BRWD1: variants seen among roughly 807,000 people sequenced by gnomAD.
BRWD1 encodes bromodomain and WD repeat domain containing 1.
A neutral mutation model predicts 251.2 loss-of-function variants in BRWD1; 82 were observed. The ratio of observed to expected loss-of-function variants is 0.33; its 90% CI spans 0.27 to 0.39. The LOEUF (loss-of-function observed/expected upper bound fraction) is 0.39. Ranked by LOEUF, BRWD1 falls within the 10% of genes least tolerant of loss-of-function variation. The pLI, the probability that BRWD1 is intolerant of heterozygous loss-of-function variation, is 1.00. For missense variants in BRWD1, 2,233 were observed against 2,711.6 expected (o/e 0.82, Z 3.92); for synonymous variants, 918 against 902.8 (o/e 1.02, Z -0.30).
chr21:39,264,417 A>T (rs1370703027), intron 17 of BRWD1, 43 bp downstream of exon 17: 1 of 1,165,086 alleles, frequency 8.6e-7, no homozygotes, highest in Non-Finnish European at 1.2e-6. Context: ...TAAAATATTC[A>T]AGTACAACTT....
In BRWD1 at chr21:39,313,555, C is replaced by T. The variant is rs1276846529; in HGVS notation, c.-64G>A. 3.2e-6 allele frequency: 4 copies of T among 1,260,142 alleles called. No individual in the cohort carries two copies. Among genetic ancestry groups the T allele is most frequent in the African/African-American group, 3.2e-5 (2 of 63,430 alleles). The allele number at this position is 1,260,142 out of a possible 1,614,324, so 78.1% of individuals were successfully genotyped here. A position where few individuals can be genotyped will look rare whatever the true frequency, so the allele number is the denominator to read the frequency against. ...GCGGAGCGTGTAGGCCGCGCCGAGG[C>T]CTGACCGGGCTGGCGTCCCCTCTTC... On this transcript the variant is annotated 5_prime_UTR_variant, in exon 1 of 41. Transcript: ENST00000342449.
chr21:39,206,278 C>T lies in BRWD1; in HGVS notation c.4198-4G>A. 1 of 1,554,404 alleles carries T rather than the reference C, an allele frequency of 6.4e-7. No individual in the cohort carries two copies. Among genetic ancestry groups the T allele is most frequent in the African/African-American group, 1.4e-5 (1 of 72,632 alleles). On this transcript the variant is annotated splice_region_variant and splice_polypyrimidine_tract_variant and intron_variant, in intron 36 of 40. Coordinates refer to ENST00000342449, the MANE Select transcript of BRWD1 (RefSeq NM_033656.4). ...ATCTCAAGGTCATACTATAAATCTG[C>T]AAGGATATAAAAACAAAGTAGAATT...
At chr21:39,273,811 G>A (rs7283439) in intron 13 of BRWD1, among the ~76,000 whole-genome samples, 140,608 of 152,246 alleles carry the variant, frequency 0.92, 65,260 homozygotes, top group African/African-American at 0.96. Context: ...ATGTGGAAAC[G>A]TTTCTCAGAA....
At position 39,280,160 on chromosome 21, in the gene BRWD1, G is replaced by C; in HGVS notation, c.920C>G (p.Ser307Cys). ...TAAAGCCACTTACCTAAATTTTAAG[G>C]ATTCTAAATCCCATTGCCAAAAGCA... ...TVCFWQWDLESLKFSPRPLKF... is the reference protein window; with the variant it reads ...TVCFWQWDLECLKFSPRPLKF... Residue 307 changes from serine to cysteine, a missense_variant, in exon 9 of 41, where the codon TCC (serine) becomes TGC (cysteine). By Grantham distance (112) the Ser-to-Cys change is moderately radical. Around this residue, in one of 12 missense-constraint regions of BRWD1, gnomAD observed 315 missense variants for 421.8 expected, o/e 0.75. Coordinates refer to ENST00000342449, the MANE Select transcript of BRWD1 (RefSeq NM_033656.4). 1 of 1,592,402 alleles carries C rather than the reference G, an allele frequency of 6.3e-7. No homozygotes were observed. The highest frequency in any genetic ancestry group is 8.5e-7 in the Non-Finnish European group (1 of 1,172,710).
Position 39,250,970 on chromosome 21 carries a change from T to C in BRWD1, c.2256-81A>G. 6.2e-6 allele frequency: 5 copies of C among 806,456 alleles called. No individual in the cohort carries two copies. In the South Asian group the frequency reaches 7.8e-5, roughly 13 times the overall value. The allele number at this position is 806,456 out of a possible 1,614,324, so 50.0% of individuals were successfully genotyped here. A position where few individuals can be genotyped will look rare whatever the true frequency, so the allele number is the denominator to read the frequency against. On this transcript the variant is annotated intron_variant, in intron 19 of 40. Coordinates refer to ENST00000342449, the MANE Select transcript of BRWD1 (RefSeq NM_033656.4). ...ATATAAAGAATAAAAACCAGTGTGA[T>C]TCTATAAATCATAAGTTTATGTACT...
In BRWD1 at chr21:39,313,478, G is replaced by A. The variant is rs1282210571; in HGVS notation, c.14C>T (p.Ser5Leu). Residue 5 changes from serine (S) to leucine (L), a missense_variant, in exon 1 of 41, where the codon TCG becomes TTG. This residue lies in a region of BRWD1 where 101 missense variants were observed against 95.6 expected (regional missense o/e 1.06). Transcript: ENST00000342449. The part of the protein sequence containing the change: MAEP[S>L]SARRPVPLIE... ...GAGAGGCACCGGGCGTCGGGCGGACGACGGCTCCGCCATGGCCGGGCGCGG... is the reference window on the plus strand; with the variant it reads ...GAGAGGCACCGGGCGTCGGGCGGACAACGGCTCCGCCATGGCCGGGCGCGG... 4 of 1,344,752 alleles carry A rather than the reference G, an allele frequency of 3.0e-6. No individual in the cohort carries two copies. Among genetic ancestry groups the A allele is most frequent in the African/African-American group, 1.5e-5 (1 of 64,678 alleles). The allele number at this position is 1,344,752 out of a possible 1,614,324, so 83.3% of individuals were successfully genotyped here.
At chr21:39,295,929 G>A (rs2035950663) in intron 6 of BRWD1, 26 bp from the exon 7 acceptor site, 3 of 1,525,974 alleles carry the variant, frequency 2.0e-6, no homozygotes, top group Non-Finnish European at 2.6e-6. Flanking sequence ...AATGAAAATG[G>A]TTAAGGGAGA....
intron 34 of BRWD1, among the ~76,000 whole-genome samples, chr21:39,212,419 C>CT (rs1193709240): frequency 4.6e-5 from 7 of 152,104 alleles, no homozygotes; most frequent in Non-Finnish European, 1.0e-4. Context: ...TATTTCTCTA[C>CT]TTTTTTTGTC....
chr21:39,200,155 T>C, intron 39 of BRWD1, 64 bp downstream of exon 39: 1 of 1,412,528 alleles, frequency 7.1e-7, no homozygotes, highest in Non-Finnish European at 9.7e-7. Flanking sequence ...CGAGAATCTA[T>C]TCAATTTATA....
intron 1 of BRWD1, among the ~76,000 whole-genome samples, chr21:39,320,707 C>T (rs7279558): frequency 1.4e-5 from 2 of 140,802 alleles, no homozygotes; most frequent in Admixed American, 7.3e-5. Context: ...ATCTTGCTCT[C>T]TTGCCCAGGC....
intron 8 of BRWD1, among the ~76,000 whole-genome samples, chr21:39,285,520 T>C (rs148235533): frequency 2.0e-5 from 3 of 152,308 alleles, no homozygotes; most frequent in East Asian, 1.9e-4. Context: ...TAGTGATGGA[T>C]ATAATTACCC....
rs1217720924 is a variant in BRWD1, at chr21:39,199,274, TTCA to T, written c.5139_5141del (p.Asp1713del). The T allele has an allele frequency of 6.2e-7, 1 of 1,614,236 alleles. No individual in the cohort carries two copies. The highest frequency in any genetic ancestry group is 8.5e-7 in the Non-Finnish European group (1 of 1,180,036). ...CTGACTCTGAGTCTCTGTTTTCAGA[TTCA>T]TCAACATTGCTCTGGGCAGTGTGAG... On this transcript the variant is annotated inframe_deletion, in exon 40 of 41. Coordinates refer to ENST00000342449, the MANE Select transcript of BRWD1 (RefSeq NM_033656.4).
intron 23 of BRWD1, 148 bp downstream of exon 23, chr21:39,236,447 A>G: frequency 2.9e-6 from 2 of 688,550 alleles, no homozygotes; most frequent in Non-Finnish European, 4.7e-6. Flanking sequence ...GAGGGCTGAC[A>G]GCTCGCCCAG....
upstream of BRWD1, chr21:39,313,646 C>T (rs1174306011): frequency 8.1e-6 from 4 of 493,818 alleles, no homozygotes; most frequent in South Asian, 5.6e-5. Flanking sequence ...CCGACGCCTC[C>T]GCGGGGGAGG....
Position 39,264,968 on chromosome 21 carries a change from C to G in BRWD1, c.1582G>C (p.Gly528Arg). The stretch of plus-strand genomic sequence containing the variant: ...GAATCTGTACAGGCAAAATGCTGTC[C>G]ATCCTGTGAAAACTTACAGTCAAAC... ...AVFDCKFSQD[G>R]QHFACTDSHG... Residue 528 changes from glycine to arginine, a missense_variant, in exon 16 of 41, where the codon GGA becomes CGA. Gly to Arg is a moderately radical substitution (Grantham distance 125). Around this residue, in one of 12 missense-constraint regions of BRWD1, gnomAD observed 315 missense variants for 421.8 expected, o/e 0.75. Coordinates refer to ENST00000342449, the MANE Select transcript of BRWD1 (RefSeq NM_033656.4). 6.2e-7 allele frequency: 1 copy of G among 1,613,896 alleles called. No individual in the cohort carries two copies. The highest frequency in any genetic ancestry group is 8.5e-7 in the Non-Finnish European group (1 of 1,179,874).
intron 15 of BRWD1, among the ~76,000 whole-genome samples, chr21:39,268,820 A>G (rs2035009640): frequency 6.6e-6 from 1 of 152,120 alleles, no homozygotes; most frequent in African/African-American, 2.4e-5. Flanking sequence ...CCCCGTCTCT[A>G]CTAAAAAATA....
intron 15 of BRWD1, among the ~76,000 whole-genome samples, chr21:39,266,317 AT>A (rs1171064180): frequency 1.3e-5 from 2 of 151,958 alleles, no homozygotes; most frequent in Non-Finnish European, 2.9e-5. Context: ...TATATTATAT[AT>A]TTTTTTTCCT....
upstream of BRWD1, among the ~76,000 whole-genome samples, chr21:39,318,047 C>T (rs1386729677): frequency 2.6e-5 from 4 of 151,912 alleles, no homozygotes; most frequent in Non-Finnish European, 5.9e-5. Flanking sequence ...GAGACCCTGT[C>T]TCAAAAAAGA....
Position 39,206,287 on chromosome 21 carries a change from A to G in BRWD1, c.4198-13T>C. On this transcript the variant is annotated splice_polypyrimidine_tract_variant and intron_variant, in intron 36 of 40. Transcript: ENST00000342449. The stretch of plus-strand genomic sequence containing the variant: ...TCATACTATAAATCTGCAAGGATAT[A>G]AAAACAAAGTAGAATTACAAAATAG... 1 of 1,525,582 alleles carries G rather than the reference A, an allele frequency of 6.6e-7. No individual in the cohort carries two copies. Among genetic ancestry groups the G allele is most frequent in the East Asian group, 2.3e-5 (1 of 44,170 alleles). The allele number at this position is 1,525,582 out of a possible 1,614,324, so 94.5% of individuals were successfully genotyped here. A position where few individuals can be genotyped will look rare whatever the true frequency, so the allele number is the denominator to read the frequency against.
Sources: gnomAD v4.1 joint callset for allele counts (sites outside exome capture counted in the v4.1 genomes callset) on GRCh38, gnomAD v4.1.1 for gene constraint, gnomAD v4.1.1 regional missense constraint, MANE v1.5 for transcripts, NCBI Gene and HGNC (gene_info 2026-07-23, HGNC 2026-07-21) for gene names.